PCDH15: variants seen among roughly 807,000 people sequenced by gnomAD.
PCDH15 encodes protocadherin related 15.
In PCDH15, 129 loss-of-function variants were observed where a neutral mutation model predicts 178.5. The observed-to-expected ratio is 0.72, with a 90% CI of 0.63 to 0.84. The LOEUF (loss-of-function observed/expected upper bound fraction) is 0.84, where lower values mean the gene tolerates loss of function less well. Ranked by LOEUF, PCDH15 falls within the 40% of genes least tolerant of loss-of-function variation. The pLI is 0.00. For missense variants in PCDH15, 2,230 were observed against 2,099.9 expected (o/e 1.06, Z -1.21); for synonymous variants, 800 against 732.0 (o/e 1.09, Z -1.50).
Position 53,998,966 on chromosome 10 carries a change from T to C in PCDH15, c.2752-3201A>G, listed in dbSNP as rs1405815038. 2.7e-5 allele frequency among the ~76,000 whole-genome samples: 4 copies of C among 149,880 alleles called. No individual in the cohort carries two copies. The Admixed American group carries it at 2.7e-4, about 10-fold the overall frequency. On this transcript the variant is annotated intron_variant, in intron 20 of 37. Coordinates refer to ENST00000644397, the MANE Select transcript of PCDH15 (RefSeq NM_001384140.1). Reference sequence around the variant, plus strand: ...ACTCGAGAGGCTGAGGAAGGGAGAATTCCTTGAACCCAGGAGGCGGATGTT... The same window carrying C: ...ACTCGAGAGGCTGAGGAAGGGAGAACTCCTTGAACCCAGGAGGCGGATGTT...
chr10:54,377,734 G>A (rs901641588), intron 4 of PCDH15, among the ~76,000 whole-genome samples: 1 of 152,022 alleles, frequency 6.6e-6, no homozygotes, highest in African/African-American at 2.4e-5. Context: ...CATGTTTAGA[G>A]TTACTCTCTG....
intron 8 of PCDH15, among the ~76,000 whole-genome samples, chr10:54,275,864 T>C (rs1428602895): frequency 6.6e-6 from 1 of 151,782 alleles, no homozygotes; most frequent in African/African-American, 2.4e-5. Flanking sequence ...ATATGAAAAT[T>C]TGTTTTATAA....
At chr10:54,297,960 G>A (rs2059905109) in intron 8 of PCDH15, among the ~76,000 whole-genome samples, 1 of 152,192 alleles carries the variant, frequency 6.6e-6, no homozygotes, top group Admixed American at 6.5e-5. Context: ...GACAGCTGAA[G>A]AAAGGGACAA....
At chr10:55,037,371 T>G (rs1449922453) in intron 2 of PCDH15, among the ~76,000 whole-genome samples, 2 of 152,146 alleles carry the variant, frequency 1.3e-5, no homozygotes, top group East Asian at 3.9e-4. Context: ...GTAGCTGGGA[T>G]TACAGGCGCC....
intron 2 of PCDH15, among the ~76,000 whole-genome samples, chr10:55,383,823 G>A (rs977676039): frequency 2.0e-5 from 3 of 152,122 alleles, no homozygotes; most frequent in African/African-American, 7.2e-5. Context: ...TAGGATTCCA[G>A]AAAATTTTCC....
At chr10:54,809,090 C>T (rs1186923970) in intron 3 of PCDH15, among the ~76,000 whole-genome samples, 7 of 152,110 alleles carry the variant, frequency 4.6e-5, no homozygotes, top group Non-Finnish European at 8.8e-5. Flanking sequence ...GAGGGATACT[C>T]TTTGCAAATT....
intron 1 of PCDH15, among the ~76,000 whole-genome samples, chr10:55,214,163 C>T (rs1840639789): frequency 1.3e-5 from 2 of 151,952 alleles, no homozygotes; most frequent in African/African-American, 4.8e-5. Flanking sequence ...GGTTTTATCA[C>T]TTTATATGTC....
At chr10:54,118,772 A>ATT (rs1329963619) in intron 15 of PCDH15, among the ~76,000 whole-genome samples, 3 of 118,936 alleles carry the variant, frequency 2.5e-5, no homozygotes, top group East Asian at 7.9e-4. Flanking sequence ...GGAAAGTTTT[A>ATT]TTTTTATTTT....
chr10:55,079,990 G>A (rs1841996830), intron 2 of PCDH15, among the ~76,000 whole-genome samples: 2 of 152,040 alleles, frequency 1.3e-5, no homozygotes, highest in Non-Finnish European at 2.9e-5. Context: ...TGTGGTGGTG[G>A]GTTTGAAGAA....
At chr10:53,984,681 G>A (rs1401088295) in intron 21 of PCDH15, among the ~76,000 whole-genome samples, 1 of 152,060 alleles carries the variant, frequency 6.6e-6, no homozygotes, top group Non-Finnish European at 1.5e-5. Flanking sequence ...CATTATCATT[G>A]ATGGATCTTC....
chr10:54,223,575 C>G (rs2053124079), intron 9 of PCDH15, among the ~76,000 whole-genome samples: 1 of 140,720 alleles, frequency 7.1e-6, no homozygotes, highest in Non-Finnish European at 1.6e-5. Context: ...AGTGTTTATA[C>G]CTTAACAGTT....
intron 2 of PCDH15, among the ~76,000 whole-genome samples, chr10:55,396,615 C>A (rs954033482): frequency 6.6e-6 from 1 of 151,904 alleles, no homozygotes; most frequent in African/African-American, 2.4e-5. Flanking sequence ...ACAAAGAAAA[C>A]TTTGATTTCA....
At chr10:54,335,818 AAAAATGTGG>A (rs1227592962) in intron 6 of PCDH15, among the ~76,000 whole-genome samples, 3 of 152,194 alleles carry the variant, frequency 2.0e-5, no homozygotes. Flanking sequence ...AAAGATATCA[AAAAATGTGG>A]AGGCAACTTT....
chr10:54,357,753 A>C (rs1297269059), intron 5 of PCDH15, among the ~76,000 whole-genome samples: 1 of 152,198 alleles, frequency 6.6e-6, no homozygotes, highest in Non-Finnish European at 1.5e-5. Context: ...ACGCTACCTG[A>C]CTTCAAAGTA....
At chr10:55,170,990 T>C (rs1839318231) in intron 1 of PCDH15, among the ~76,000 whole-genome samples, 1 of 152,236 alleles carries the variant, frequency 6.6e-6, no homozygotes, top group African/African-American at 2.4e-5. Flanking sequence ...ATCTCCTACA[T>C]TTCTGGTTCC....
At chr10:54,280,993 C>T (rs2132717033) in intron 8 of PCDH15, among the ~76,000 whole-genome samples, 1 of 151,882 alleles carries the variant, frequency 6.6e-6, no homozygotes, top group South Asian at 2.1e-4. Context: ...TCTAACTTAT[C>T]TATGTGTGTA....
intron 13 of PCDH15, among the ~76,000 whole-genome samples, chr10:54,166,755 G>T (rs2046273094): frequency 1.5e-5 from 2 of 130,398 alleles, no homozygotes; most frequent in South Asian, 4.4e-4. Flanking sequence ...TGAAGTAACT[G>T]AAGAATCACA....
intron 2 of PCDH15, among the ~76,000 whole-genome samples, chr10:55,128,045 G>A (rs563378969): frequency 6.6e-6 from 1 of 152,118 alleles, no homozygotes; most frequent in East Asian, 1.9e-4. Context: ...ATAATCTAAA[G>A]ACAGCTTAGA....
intron 8 of PCDH15, among the ~76,000 whole-genome samples, chr10:54,273,137 T>G (rs975830765): frequency 6.6e-6 from 1 of 152,134 alleles, no homozygotes; most frequent in African/African-American, 2.4e-5. Flanking sequence ...AGCCAGATAA[T>G]GCTGTTGTTT....
Sources: allele counts gnomAD v4.1 joint callset (sites outside exome capture counted in the v4.1 genomes callset), GRCh38; gene constraint gnomAD v4.1.1; transcripts MANE v1.5; gene names NCBI Gene and HGNC (gene_info 2026-07-23, HGNC 2026-07-21).